PCDHGB1: variants seen among roughly 807,000 people sequenced by gnomAD.
PCDHGB1 encodes the protein protocadherin gamma subfamily B, 1.
In PCDHGB1, 34 loss-of-function variants were observed where a neutral mutation model predicts 56.6. The ratio of observed to expected loss-of-function variants is 0.60; its 90% confidence interval spans 0.46 to 0.80. The LOEUF (loss-of-function observed/expected upper bound fraction) is 0.80. Ranked by LOEUF, PCDHGB1 falls within the 30% of genes least tolerant of loss-of-function variation. PCDHGB1 has a pLI of 0.00. For synonymous variants in PCDHGB1, 561 were observed against 505.9 expected (o/e 1.11, Z -1.46); for missense variants, 1,278 against 1,204.6 (o/e 1.06, Z -0.90).
chr5:141,356,553 T>C (rs987125260), intron 1 of PCDHGB1: 2 of 1,614,138 alleles, frequency 1.2e-6, no homozygotes, highest in Admixed American at 3.3e-5. Context: ...ACCCACCCAC[T>C]TTCCCTCATG....
At chr5:141,384,360 C>A in intron 1 of PCDHGB1, 1 of 1,613,902 alleles carries the variant, frequency 6.2e-7, no homozygotes, top group Non-Finnish European at 8.5e-7. Context: ...ATGCCCAGAT[C>A]ACTTATTCCT....
intron 1 of PCDHGB1, among the ~76,000 whole-genome samples, chr5:141,467,628 CA>C (rs1301043003): frequency 6.6e-6 from 1 of 152,106 alleles, no homozygotes; most frequent in Non-Finnish European, 1.5e-5. Context: ...TTTGAGATAG[CA>C]TCTTTATCAT....
intron 1 of PCDHGB1, chr5:141,388,544 A>C (rs755878131): frequency 5.6e-6 from 9 of 1,613,654 alleles, no homozygotes; most frequent in Non-Finnish European, 6.8e-6. Flanking sequence ...TTGGAGCTCC[A>C]CCCCTAAGCA....
intron 1 of PCDHGB1, chr5:141,442,107 C>A: frequency 6.0e-6 from 1 of 166,198 alleles, no homozygotes; most frequent in Non-Finnish European, 1.3e-5. Flanking sequence ...CCACCACTAC[C>A]GCCCCTCGTC....
chr5:141,374,627 G>A (rs955993144), intron 1 of PCDHGB1: 2 of 1,613,064 alleles, frequency 1.2e-6, no homozygotes, highest in African/African-American at 1.3e-5. Flanking sequence ...CTCAGTGGAC[G>A]TGCAAAGCGA....
chr5:141,476,206 C>A lies in PCDHGB1; in HGVS notation c.2410-18601C>A. On this transcript the variant is annotated intron_variant, in intron 1 of 3. Transcript: ENST00000523390. This position sits in a 1 kb window ranked among gnomAD's most constrained non-coding sequence, Gnocchi z 7.6. ...TGCTTGGTGCCTTGAACAAGGCTTC[C>A]ACGGTCATTCACTATGAGATCCCGG... 1 of 1,613,930 alleles carries A rather than the reference C, an allele frequency of 6.2e-7. No individual in the cohort carries two copies. The highest frequency in any genetic ancestry group is 1.7e-5 in the Admixed American group (1 of 60,004).
chr5:141,484,512 G>A (rs1178383152), intron 1 of PCDHGB1, among the ~76,000 whole-genome samples: 47 of 152,196 alleles, frequency 3.1e-4, no homozygotes, highest in Non-Finnish European at 4.0e-4. Context: ...TTCTGCAGAA[G>A]GGCAGAGTTT....
intron 1 of PCDHGB1, chr5:141,390,655 A>G (rs2092202484): frequency 4.9e-6 from 1 of 204,734 alleles, no homozygotes; most frequent in Non-Finnish European, 9.8e-6. Flanking sequence ...GCTTGGATAT[A>G]CCATAAATAT....
intron 1 of PCDHGB1, chr5:141,423,126 G>T (rs1397550571): frequency 6.2e-7 from 1 of 1,613,622 alleles, no homozygotes; most frequent in Non-Finnish European, 8.5e-7. Context: ...CGCGGGCACT[G>T]CTGGACAGAG....
At chr5:141,410,523 A>G (rs2095403267) in intron 1 of PCDHGB1, 3 of 1,613,800 alleles carry the variant, frequency 1.9e-6, no homozygotes, top group South Asian at 2.2e-5. Flanking sequence ...GTGCCCCTAC[A>G]TTCCAATGAA....
rs573088236 is a variant in PCDHGB1, at chr5:141,489,279, G to A, written c.2410-5528G>A. On this transcript the variant is annotated intron_variant, in intron 1 of 3. Coordinates refer to ENST00000523390, the MANE Select transcript of PCDHGB1 (RefSeq NM_018922.3). This position sits in a 1 kb window ranked among gnomAD's most constrained non-coding sequence, Gnocchi z 4.5. Reference sequence around the variant, plus strand: ...CACTCCCACAGCTCGCTGGGAAATGGCAAGTGCTGTGCATGTTGTCCTTGT... The same window carrying A: ...CACTCCCACAGCTCGCTGGGAAATGACAAGTGCTGTGCATGTTGTCCTTGT... The A allele has an allele frequency of 6.4e-7, 1 of 1,562,030 alleles. No individual in the cohort carries two copies. Among genetic ancestry groups the A allele is most frequent in the East Asian group, 2.2e-5 (1 of 44,522 alleles).
intron 1 of PCDHGB1, chr5:141,409,784 T>G: frequency 3.1e-6 from 5 of 1,612,248 alleles, no homozygotes; most frequent in Non-Finnish European, 4.2e-6. Flanking sequence ...GCTGCGCGCC[T>G]TCGCGCTCAC....
At position 141,432,707 on chromosome 5, in the gene PCDHGB1, G is replaced by A. The variant is rs750859951; in HGVS notation, c.2410-62100G>A. ...CCTCGTAGTGGCCGTCCAGGACCAC[G>A]GCCAGCCCCCTCTCTCCGCCACTGT... On this transcript the variant is annotated intron_variant, in intron 1 of 3. Coordinates refer to ENST00000523390, the MANE Select transcript of PCDHGB1 (RefSeq NM_018922.3). The surrounding 1 kb of genome is among the most constrained non-coding windows in gnomAD (Gnocchi z 6.0). 5 of 1,613,988 alleles carry A rather than the reference G, an allele frequency of 3.1e-6. No individual in the cohort carries two copies. Among genetic ancestry groups the A allele is most frequent in the Non-Finnish European group, 4.2e-6 (5 of 1,179,970 alleles).
intron 2 of PCDHGB1, among the ~76,000 whole-genome samples, chr5:141,498,956 AGAGG>A (rs1198207839): frequency 1.1e-4 from 14 of 124,162 alleles, no homozygotes; most frequent in East Asian, 2.7e-4. Context: ...AAAAAGAGAG[AGAGG>A]GAGGGAGGGA....
intron 1 of PCDHGB1, among the ~76,000 whole-genome samples, chr5:141,450,899 A>G (rs1045595271): frequency 1.0e-4 from 15 of 149,514 alleles, no homozygotes; most frequent in African/African-American, 3.7e-4. Context: ...ATATCGGCTC[A>G]CTGCAACCGC....
At chr5:141,408,882 ACATAGAAATTTCTGTCAAG>A (rs745313321) in intron 1 of PCDHGB1, 50 of 1,613,286 alleles carry the variant, frequency 3.1e-5, no homozygotes, top group Non-Finnish European at 4.1e-5. Context: ...GCCACCGCTC[ACATAGAAATTTCTGTCAAG>A]GATACCAATG....
Position 141,490,705 on chromosome 5 carries a change from C to T in PCDHGB1, c.2410-4102C>T. 1 of 1,614,194 alleles carries T rather than the reference C, an allele frequency of 6.2e-7. No individual in the cohort carries two copies. Among genetic ancestry groups the T allele is most frequent in the South Asian group, 1.1e-5 (1 of 91,082 alleles). On this transcript the variant is annotated intron_variant, in intron 1 of 3. Coordinates refer to ENST00000523390, the MANE Select transcript of PCDHGB1 (RefSeq NM_018922.3). This position sits in a 1 kb window ranked among gnomAD's most constrained non-coding sequence, Gnocchi z 5.4. ...TCCAGACACTGGGGATAATGCCCGC[C>T]TCACCTACTCCATTGTAGGAAATCA...
At chr5:141,360,035 G>T in intron 1 of PCDHGB1, 13 of 1,406,270 alleles carry the variant, frequency 9.2e-6, no homozygotes, top group Non-Finnish European at 1.2e-5. Context: ...TATAGATTCG[G>T]AAACAGAAAA....
intron 1 of PCDHGB1, chr5:141,392,999 C>A: frequency 6.2e-7 from 1 of 1,613,858 alleles, no homozygotes; most frequent in Non-Finnish European, 8.5e-7. Context: ...TGGCGAAGCA[C>A]GGAGTCCGTA....
Sources: gnomAD v4.1 joint callset for allele counts (sites outside exome capture counted in the v4.1 genomes callset) on GRCh38, gnomAD v4.1.1 for gene constraint, Gnocchi (gnomAD v3.1) non-coding constraint, MANE v1.5 for transcripts, NCBI Gene and HGNC (gene_info 2026-07-23, HGNC 2026-07-21) for gene names.